The following TRAPPC9 variants were observed in gnomAD, a reference collection of about 807,000 sequenced individuals.
TRAPPC9 encodes the protein trafficking protein particle complex subunit 9.
TRAPPC9 carries 83 observed loss-of-function variants against 124.0 expected under a neutral mutation model. The ratio of observed to expected loss-of-function variants is 0.67; its 90% confidence interval spans 0.56 to 0.80. The LOEUF is 0.80. Among genes scored for constraint, TRAPPC9 ranks in the 30% least tolerant of loss-of-function variants. The pLI, the probability that TRAPPC9 is intolerant of heterozygous loss-of-function variation, is 0.00. For missense variants in TRAPPC9, 1,302 were observed against 1,508.3 expected (o/e 0.86, Z 2.27); for synonymous variants, 638 against 617.5 (o/e 1.03, Z -0.49).
At chr8:139,771,103 G>GA (rs1820929747) in intron 21 of TRAPPC9, among the ~76,000 whole-genome samples, 1 of 152,242 alleles carries the variant, frequency 6.6e-6, no homozygotes, top group South Asian at 2.1e-4. Flanking sequence ...CTTGGGAGCT[G>GA]AAAGGGGGAG....
intron 7 of TRAPPC9, among the ~76,000 whole-genome samples, chr8:140,391,257 T>G (rs2068914931): frequency 6.6e-6 from 1 of 152,252 alleles, no homozygotes; most frequent in African/African-American, 2.4e-5. Context: ...GAATCATTCC[T>G]GAATATTTGG....
intron 21 of TRAPPC9, among the ~76,000 whole-genome samples, chr8:139,805,795 G>A (rs1004952911): frequency 7.2e-5 from 11 of 152,114 alleles, no homozygotes; most frequent in East Asian, 1.9e-4. Context: ...AAGTATAGAC[G>A]AAAATACACA....
At chr8:140,039,027 G>A (rs1483164147) in intron 17 of TRAPPC9, among the ~76,000 whole-genome samples, 1 of 152,214 alleles carries the variant, frequency 6.6e-6, no homozygotes, top group Non-Finnish European at 1.5e-5. Context: ...CAAAGCCTCA[G>A]GTCAATGTGC....
intron 21 of TRAPPC9, among the ~76,000 whole-genome samples, chr8:139,800,891 G>A (rs374053301): frequency 1.5e-5 from 1 of 66,524 alleles, no homozygotes; most frequent in East Asian, 4.2e-4. Context: ...GTATCTTCCC[G>A]CCCTCCGGTA....
At chr8:140,083,655 A>G (rs13273831) in intron 17 of TRAPPC9, among the ~76,000 whole-genome samples, 100,778 of 151,800 alleles carry the variant, frequency 0.66, 33,527 homozygotes, top group Middle Eastern at 0.78. Context: ...TTTTTTTGTT[A>G]TTTTGTTTTT....
intron 21 of TRAPPC9, among the ~76,000 whole-genome samples, chr8:139,833,577 C>T (rs1359559073): frequency 3.9e-5 from 6 of 152,254 alleles, no homozygotes; most frequent in South Asian, 4.1e-4. Context: ...TTACTCGAAG[C>T]GGAGGCTTGC....
intron 19 of TRAPPC9, among the ~76,000 whole-genome samples, chr8:139,921,860 C>T (rs1036652229): frequency 3.0e-4 from 46 of 151,094 alleles, no homozygotes; most frequent in African/African-American, 1.1e-3. Context: ...CCCTCCTCCC[C>T]GCCGCGTCTG....
At chr8:140,055,126 C>G (rs891164574) in intron 17 of TRAPPC9, among the ~76,000 whole-genome samples, 1 of 152,116 alleles carries the variant, frequency 6.6e-6, no homozygotes, top group East Asian at 1.9e-4. Context: ...TTAACATGGA[C>G]GCAAAAATCA....
chr8:140,289,170 ATATAGTGTGTGTGTGT>A (rs2065576316), intron 12 of TRAPPC9, among the ~76,000 whole-genome samples: 1 of 136,264 alleles, frequency 7.3e-6, no homozygotes, highest in South Asian at 2.4e-4. Context: ...TTAGATATAT[ATATAGTGTGTGTGTGT>A]GTGTGTGTGT....
At chr8:139,831,302 G>A (rs77229139) in intron 21 of TRAPPC9, among the ~76,000 whole-genome samples, 15,529 of 152,084 alleles carry the variant, frequency 0.1, 860 homozygotes, top group South Asian at 0.13. Context: ...TGCTTGTGCC[G>A]AGACCTGGGT....
At chr8:139,848,797 C>T (rs1827267165) in intron 21 of TRAPPC9, among the ~76,000 whole-genome samples, 1 of 152,194 alleles carries the variant, frequency 6.6e-6, no homozygotes, top group Non-Finnish European at 1.5e-5. Flanking sequence ...AGGCAGCCTT[C>T]CCTTGGCTCA....
At chr8:140,053,910 C>T (rs931438460) in intron 17 of TRAPPC9, among the ~76,000 whole-genome samples, 10 of 152,142 alleles carry the variant, frequency 6.6e-5, no homozygotes, top group South Asian at 2.1e-4. Context: ...AGCAAAGTTA[C>T]GAAATCAACC....
chr8:140,371,619 T>C (rs929664233), intron 7 of TRAPPC9, among the ~76,000 whole-genome samples: 1 of 87,680 alleles, frequency 1.1e-5, no homozygotes. Context: ...GACTTAAGAC[T>C]TCAGGGTTTA....
chr8:140,089,095 A>G (rs577003897), intron 17 of TRAPPC9, among the ~76,000 whole-genome samples: 3 of 152,330 alleles, frequency 2.0e-5, no homozygotes, highest in East Asian at 1.9e-4. Context: ...AGAAATAAAA[A>G]CAATAGCTCC....
chr8:139,750,669 C>T (rs919998828), intron 21 of TRAPPC9, among the ~76,000 whole-genome samples: 12 of 152,204 alleles, frequency 7.9e-5, no homozygotes, highest in African/African-American at 2.2e-4. Context: ...AAAGACCATG[C>T]GGCTTCTCTA....
intron 21 of TRAPPC9, among the ~76,000 whole-genome samples, chr8:139,826,858 C>A (rs970138170): frequency 1.3e-5 from 2 of 152,110 alleles, no homozygotes; most frequent in African/African-American, 2.4e-5. Flanking sequence ...TGGGAGCCAT[C>A]AGTACAGAGA....
At chr8:140,254,532 C>T (rs770001399) in intron 15 of TRAPPC9, among the ~76,000 whole-genome samples, 2 of 152,142 alleles carry the variant, frequency 1.3e-5, no homozygotes, top group African/African-American at 4.8e-5. Context: ...CTGGCTGTCC[C>T]CACATGGTAG....
chr8:139,950,243 G>A (rs943648869), intron 19 of TRAPPC9, among the ~76,000 whole-genome samples: 1 of 152,240 alleles, frequency 6.6e-6, no homozygotes, highest in African/African-American at 2.4e-5. Context: ...TCCTCAATGA[G>A]TTCTCATGAG....
In TRAPPC9 at chr8:140,221,529, C is replaced by T. The variant is rs752544161; in HGVS notation, c.2486G>A (p.Arg829Gln). ...CACAGGTTTGCCCTCCACTCGGGGC[C>T]GAACGACCTGCCGAAAAGGACTGGA... is the stretch of plus-strand genomic sequence containing the variant. ...PLSSPFRQVV[R>Q]PRVEGKPVNP... The change falls in exon 17 of 23, where the codon CGG becomes CAG. Residue 829 changes from arginine (R) to glutamine (Q), a missense_variant. By Grantham distance (43) the Arg-to-Gln change is conservative. Transcript: ENST00000438773. 18 of 1,613,948 alleles carry T rather than the reference C, an allele frequency of 1.1e-5. No individual in the cohort carries two copies. In the South Asian group the frequency reaches 1.4e-4, roughly 13 times the overall value.
Sources: allele counts gnomAD v4.1 joint callset (sites outside exome capture counted in the v4.1 genomes callset), GRCh38; gene constraint gnomAD v4.1.1; transcripts MANE v1.5; gene names NCBI Gene and HGNC (gene_info 2026-07-23, HGNC 2026-07-21).